TRPC4AP: variants seen among roughly 807,000 people sequenced by gnomAD.
TRPC4AP encodes the protein transient receptor potential cation channel subfamily C member 4 associated protein.
In TRPC4AP, 45 loss-of-function variants were observed where a neutral mutation model predicts 99.0. The observed-to-expected ratio is 0.45, with a 90% CI of 0.36 to 0.58. TRPC4AP has a LOEUF of 0.58. Ranked by LOEUF, TRPC4AP falls within the 20% of genes least tolerant of loss-of-function variation. The pLI, the probability that TRPC4AP is intolerant of heterozygous loss-of-function variation, is 0.00. For missense variants in TRPC4AP, 879 were observed against 985.3 expected (o/e 0.89, Z 1.44); for synonymous variants, 408 against 385.8 (o/e 1.06, Z -0.67).
intron 17 of TRPC4AP, 96 bp downstream of exon 17, chr20:35,004,362 C>G: frequency 9.5e-7 from 1 of 1,055,446 alleles, no homozygotes; most frequent in Non-Finnish European, 1.4e-6. Context: ...CAGAGACGCA[C>G]TTCTGGAGTG....
At position 35,092,692 on chromosome 20, in the gene TRPC4AP, G is replaced by GCCGCCCCAT; in HGVS notation, c.81_89dup (p.Trp28_Gly30dup). On this transcript the variant is annotated inframe_insertion, in exon 1 of 19. Coordinates refer to ENST00000252015, the MANE Select transcript of TRPC4AP (RefSeq NM_015638.3). ...GCAGAATGTTACCAGGCCGCGGCCGGCCGCCCCATCCGCCCCAAGCCGCCA... is the reference window on the plus strand; with the variant it reads ...GCAGAATGTTACCAGGCCGCGGCCGGCCGCCCCATCCGCCCCATCCGCCCCAAGCCGCCA... 1 of 1,538,482 alleles carries GCCGCCCCAT rather than the reference G, an allele frequency of 6.5e-7. No individual in the cohort carries two copies. The highest frequency in any genetic ancestry group is 1.2e-5 in the South Asian group (1 of 84,556).
At chr20:35,068,480 C>A (rs1007783634) in intron 3 of TRPC4AP, among the ~76,000 whole-genome samples, 2 of 152,088 alleles carry the variant, frequency 1.3e-5, no homozygotes, top group African/African-American at 4.8e-5. Flanking sequence ...AAATGCCAGT[C>A]AACTGGGGCC....
At chr20:35,009,481 A>AG (rs2082585573) in intron 12 of TRPC4AP, among the ~76,000 whole-genome samples, 1 of 151,730 alleles carries the variant, frequency 6.6e-6, no homozygotes, top group Admixed American at 6.6e-5. Flanking sequence ...ATCTCTACAA[A>AG]AAAAAAGTAA....
chr20:35,059,228 G>GA (rs1342902830), intron 3 of TRPC4AP, among the ~76,000 whole-genome samples: 1 of 152,148 alleles, frequency 6.6e-6, no homozygotes, highest in East Asian at 1.9e-4. Context: ...AGAAATAAAG[G>GA]AGAGGGCATT....
At chr20:35,049,496 T>G (rs1334747977) in intron 6 of TRPC4AP, among the ~76,000 whole-genome samples, 1 of 137,948 alleles carries the variant, frequency 7.2e-6, no homozygotes, top group African/African-American at 2.7e-5. Flanking sequence ...GGTAAAGTGG[T>G]AAGAGAATGG....
intron 1 of TRPC4AP, among the ~76,000 whole-genome samples, chr20:35,087,136 T>G (rs2084908402): frequency 6.7e-6 from 1 of 148,366 alleles, no homozygotes; most frequent in Non-Finnish European, 1.5e-5. Context: ...GAGACCATCC[T>G]GGCTAACACG....
At chr20:35,086,525 ATGTGTGTG>A (rs1176461079) in intron 1 of TRPC4AP, among the ~76,000 whole-genome samples, 2,733 of 69,196 alleles carry the variant, frequency 0.039, 235 homozygotes, top group Middle Eastern at 0.058. Flanking sequence ...GTGTGTATAT[ATGTGTGTG>A]TGTGTGTGTG....
chr20:35,059,624 C>T (rs1253720464), intron 3 of TRPC4AP, among the ~76,000 whole-genome samples: 1 of 151,844 alleles, frequency 6.6e-6, no homozygotes, highest in Non-Finnish European at 1.5e-5. Context: ...TGCCAATACA[C>T]TCCAGCCTGG....
intron 16 of TRPC4AP, among the ~76,000 whole-genome samples, 161 bp downstream of exon 16, chr20:35,005,534 C>T (rs2082498322): frequency 6.6e-6 from 1 of 152,220 alleles, no homozygotes. Flanking sequence ...TTGAACAAGG[C>T]AGCAAAGCCA....
At chr20:35,085,740 G>C (rs759044968) in intron 1 of TRPC4AP, among the ~76,000 whole-genome samples, 1 of 152,048 alleles carries the variant, frequency 6.6e-6, no homozygotes, top group African/African-American at 2.4e-5. Context: ...TTCTCTTGAA[G>C]TACTTGTGGT....
chr20:35,039,842 A>T (rs1431244761), intron 7 of TRPC4AP, among the ~76,000 whole-genome samples: 3 of 151,822 alleles, frequency 2.0e-5, no homozygotes, highest in South Asian at 4.2e-4. Context: ...TCAAAAAATA[A>T]TTATTTATTT....
At chr20:35,044,822 G>A (rs6142281) in intron 6 of TRPC4AP, 110 bp from the exon 7 acceptor site, 6 of 1,013,226 alleles carry the variant, frequency 5.9e-6, no homozygotes, top group Non-Finnish European at 8.8e-6. Context: ...AGATCACTTA[G>A]GTTCCTATCC....
At position 35,069,535 on chromosome 20, in the gene TRPC4AP, G is replaced by A. The variant is rs575592446; in HGVS notation, c.298-123C>T. 21 of 654,176 alleles carry A rather than the reference G, an allele frequency of 3.2e-5. No individual in the cohort carries two copies. In the South Asian group the frequency reaches 4.1e-4, roughly 13 times the overall value. The allele number at this position is 654,176 out of a possible 1,614,324, so 40.5% of individuals were successfully genotyped here. A position where few individuals can be genotyped will look rare whatever the true frequency, so the allele number is the denominator to read the frequency against. ...CATGAACACAAAGACAGTCCCCAAT[G>A]AACCACACTTCCTAGTATTCAGGCC... On this transcript the variant is annotated intron_variant, in intron 2 of 18. Transcript: ENST00000252015.
At chr20:35,031,390 C>CA (rs2083190523) in intron 8 of TRPC4AP, among the ~76,000 whole-genome samples, 4 of 73,666 alleles carry the variant, frequency 5.4e-5, no homozygotes, top group Non-Finnish European at 9.9e-5. Context: ...CCCTGGTTAA[C>CA]TTTTTTTTTT....
At chr20:35,034,551 C>CA (rs1418934350) in intron 8 of TRPC4AP, among the ~76,000 whole-genome samples, 3 of 151,890 alleles carry the variant, frequency 2.0e-5, no homozygotes, top group Admixed American at 1.3e-4. Flanking sequence ...GATGGCCCCC[C>CA]ACTCCCAATG....
At chr20:35,020,763 G>A (rs1331652527) in intron 9 of TRPC4AP, among the ~76,000 whole-genome samples, 1 of 152,172 alleles carries the variant, frequency 6.6e-6, no homozygotes, top group African/African-American at 2.4e-5. Flanking sequence ...TCAAGGCTCA[G>A]GGAACCTTGC....
chr20:35,022,302 T>C (rs187813514), intron 8 of TRPC4AP, among the ~76,000 whole-genome samples: 2,561 of 152,282 alleles, frequency 0.017, 38 homozygotes, highest in Non-Finnish European at 0.025. Context: ...ACTACAGGCA[T>C]GTGCCACCAC....
At chr20:35,029,475 C>A (rs565274928) in intron 8 of TRPC4AP, among the ~76,000 whole-genome samples, 35 of 152,136 alleles carry the variant, frequency 2.3e-4, no homozygotes, top group African/African-American at 8.4e-4. Flanking sequence ...TAAGGCTGGA[C>A]TGACTTCTGC....
Position 35,086,569 on chromosome 20 carries a change from GTGTGTGTA to G in TRPC4AP, c.168+6037_168+6044del, listed in dbSNP as rs1369322705. Among the ~76,000 whole-genome samples, 243 of 108,220 alleles carry G rather than the reference GTGTGTGTA, an allele frequency of 2.2e-3. 23 individuals are homozygous for G. The highest frequency in any genetic ancestry group is 4.2e-3 in the Admixed American group (43 of 10,202). 71.0% of individuals were successfully genotyped at this position (108,220 alleles called of 152,430 possible). On this transcript the variant is annotated intron_variant, in intron 1 of 18. Transcript: ENST00000252015. The stretch of plus-strand genomic sequence containing the variant: ...TGTGTGTGTGTGTGTGTGTGTGTGT[GTGTGTGTA>G]TATATATATGAATAAGACTTTATCC...
Sources: allele counts gnomAD v4.1 joint callset (sites outside exome capture counted in the v4.1 genomes callset), GRCh38; gene constraint gnomAD v4.1.1; transcripts MANE v1.5; gene names NCBI Gene and HGNC (gene_info 2026-07-23, HGNC 2026-07-21).